LBR: variants seen among roughly 807,000 people sequenced by gnomAD.
LBR encodes the protein delta(14)-sterol reductase LBR.
Under a neutral mutation model 74.3 loss-of-function variants are expected in LBR, and 28 were observed. That is an observed-to-expected ratio of 0.38 (90% confidence interval 0.28 to 0.52). LBR has a LOEUF of 0.52. Ranked by LOEUF, LBR falls within the 20% of genes least tolerant of loss-of-function variation. The pLI is 0.89. For missense variants in LBR, 717 were observed against 760.3 expected, an observed-to-expected ratio of 0.94 and a Z score of 0.67; for synonymous variants, 228 against 269.3, an observed-to-expected ratio of 0.85 and a Z score of 1.50.
At chr1:225,412,375 G>A (rs2096107644) in intron 8 of LBR, 79 bp downstream of exon 8, 10 of 1,303,634 alleles carry the variant, frequency 7.7e-6, no homozygotes, top group Non-Finnish European at 1.1e-5. Context: ...TAGAAAAAAA[G>A]CAATCTATTC....
At chr1:225,422,423 C>A (rs970746783) in intron 2 of LBR, 146 bp from the exon 3 acceptor site, 6 of 693,804 alleles carry the variant, frequency 8.6e-6, no homozygotes, top group Non-Finnish European at 1.5e-5. Flanking sequence ...GAGAATGGAT[C>A]AGATGAAGCC....
rs567861118 is a variant in LBR, at chr1:225,404,814, C to T, written c.1484-108G>A. 21 of 850,418 alleles carry T rather than the reference C, an allele frequency of 2.5e-5. No homozygotes were observed. In the African/African-American group the frequency reaches 2.9e-4, roughly 12 times the overall value. 52.7% of individuals were successfully genotyped at this position (850,418 alleles called of 1,614,324 possible). ...GATTTCTATGCTCTGAGGAAATTTCCAAAGCAGACTCCTAGGCTCAAGAGA... is the reference window on the plus strand; with the variant it reads ...GATTTCTATGCTCTGAGGAAATTTCTAAAGCAGACTCCTAGGCTCAAGAGA... On this transcript the variant is annotated intron_variant, in intron 11 of 13. Transcript: ENST00000272163.
chr1:225,422,079 G>T lies in LBR; in HGVS notation c.364C>A (p.Leu122Met). ...EVEVKLTPLI[L>M]KPFGNSISRY... Reference sequence around the variant, plus strand: ...TGTATAAGGATAAACACAAGTACCAGAATCAGCGGAGTCAATTTAACTTCC... The same window carrying T: ...TGTATAAGGATAAACACAAGTACCATAATCAGCGGAGTCAATTTAACTTCC... Residue 122 changes from leucine to methionine, a missense_variant and splice_region_variant, in exon 3 of 14, where the codon CTG becomes ATG. Coordinates refer to ENST00000272163, the MANE Select transcript of LBR (RefSeq NM_002296.4). 5 of 1,613,852 alleles carry T rather than the reference G, an allele frequency of 3.1e-6. No individual in the cohort carries two copies. The highest frequency in any genetic ancestry group is 3.4e-6 in the Non-Finnish European group (4 of 1,179,910).
intron 3 of LBR, 46 bp downstream of exon 3, chr1:225,422,031 A>G (rs112194836): frequency 3.9e-6 from 6 of 1,545,388 alleles, no homozygotes; most frequent in African/African-American, 1.4e-5. Flanking sequence ...GTAAATATAT[A>G]CATAAAGCGG....
At chr1:225,422,298 A>T (rs1277675589) in intron 2 of LBR, 21 bp from the exon 3 acceptor site, 9 of 1,595,514 alleles carry the variant, frequency 5.6e-6, no homozygotes, top group Non-Finnish European at 6.9e-6. Context: ...GGAAGAAGGC[A>T]AAGAGCTTTA....
chr1:225,420,854 T>G (rs1301123645), intron 3 of LBR, among the ~76,000 whole-genome samples: 1 of 152,192 alleles, frequency 6.6e-6, no homozygotes, highest in African/African-American at 2.4e-5. Context: ...ATAAACTTTC[T>G]TGATGCAATC....
Position 225,418,196 on chromosome 1 carries a change from G to C in LBR, c.641-16C>G. 6.2e-7 allele frequency: 1 copy of C among 1,608,078 alleles called. No homozygotes were observed. Among genetic ancestry groups the C allele is most frequent in the Non-Finnish European group, 8.5e-7 (1 of 1,175,824 alleles). On this transcript the variant is annotated splice_polypyrimidine_tract_variant and intron_variant, in intron 5 of 13. Transcript: ENST00000272163. ...AGAAACACACCTGCAAACAATTCAT[G>C]AACATTCGAGGCTCAAATTTCAATC...
chr1:225,415,813 C>T (rs547035975), intron 6 of LBR, among the ~76,000 whole-genome samples: 12 of 152,234 alleles, frequency 7.9e-5, no homozygotes, highest in South Asian at 4.1e-4. Flanking sequence ...TATTTGATGA[C>T]GCATACTCAT....
chr1:225,403,270 G>T lies in LBR; in HGVS notation c.*33C>A. On this transcript the variant is annotated 3_prime_UTR_variant, in exon 14 of 14. Coordinates refer to ENST00000272163, the MANE Select transcript of LBR (RefSeq NM_002296.4). ...GTTTTTGCAAATGGCAGCTGGAATT[G>T]CAGGAGTATTTTGTAGAAAAGCCAG... 6.2e-7 allele frequency: 1 copy of T among 1,603,436 alleles called. No individual in the cohort carries two copies. Among genetic ancestry groups the T allele is most frequent in the Admixed American group, 1.7e-5 (1 of 59,988 alleles).
intron 5 of LBR, among the ~76,000 whole-genome samples, chr1:225,418,385 A>G (rs1312740899): frequency 6.6e-6 from 1 of 151,856 alleles, no homozygotes; most frequent in East Asian, 1.9e-4. Flanking sequence ...AAAAAAATAA[A>G]TAAATAAAAA....
rs775999883 is a variant in LBR at position 225,404,538 on chromosome 1, T to C, written c.1565-12A>G. ...AATGGTTTTTAAATCTATATAAAAA[T>C]AAAAGTACATTTTTAATGATGTCGA... is the stretch of plus-strand genomic sequence containing the variant. On this transcript the variant is annotated splice_polypyrimidine_tract_variant and intron_variant, in intron 12 of 13. Coordinates refer to ENST00000272163, the MANE Select transcript of LBR (RefSeq NM_002296.4). 19 of 1,588,672 alleles carry C rather than the reference T, an allele frequency of 1.2e-5. No individual in the cohort carries two copies. In the South Asian group the frequency reaches 2.0e-4, roughly 17 times the overall value.
rs2096126012 is a variant in LBR at position 225,420,647 on chromosome 1, A to T, written c.367-849T>A. Among the ~76,000 whole-genome samples the T allele has an allele frequency of 2.0e-5, 3 of 152,196 alleles. No individual in the cohort carries two copies. The South Asian group carries it at 6.2e-4, about 32-fold the overall frequency. On this transcript the variant is annotated intron_variant, in intron 3 of 13. Coordinates refer to ENST00000272163, the MANE Select transcript of LBR (RefSeq NM_002296.4). ...GTCACTAAATATTAAAAATGAAAGG[A>T]TAACAAAGTATCACACAGCATCTGT... is the stretch of plus-strand genomic sequence containing the variant.
rs573448057 is a variant in LBR, at chr1:225,402,513, C to G, written c.*790G>C. 6 of 152,626 alleles carry G rather than the reference C, an allele frequency of 3.9e-5. No homozygotes were observed. The South Asian group carries it at 1.2e-3, about 32-fold the overall frequency. 9.5% of individuals were successfully genotyped at this position (152,626 alleles called of 1,614,324 possible). A position where few individuals can be genotyped will look rare whatever the true frequency, so the allele number is the denominator to read the frequency against. On this transcript the variant is annotated 3_prime_UTR_variant, in exon 14 of 14. Coordinates refer to ENST00000272163, the MANE Select transcript of LBR (RefSeq NM_002296.4). Reference sequence around the variant, plus strand: ...CTATGTTTTAACAGCATCTTCTATACAATAGTGAATGAATTCTAATTGTTC... The same window carrying G: ...CTATGTTTTAACAGCATCTTCTATAGAATAGTGAATGAATTCTAATTGTTC...
At chr1:225,424,281 C>T (rs1404997524) in intron 1 of LBR, among the ~76,000 whole-genome samples, 192 bp from the exon 2 acceptor site, 3 of 152,002 alleles carry the variant, frequency 2.0e-5, no homozygotes, top group African/African-American at 7.2e-5. Flanking sequence ...ATCTATGTGA[C>T]ACTAAAGATT....
intron 13 of LBR, 96 bp from the exon 14 acceptor site, chr1:225,403,559 C>CAA (rs1311658887): frequency 1.1e-6 from 1 of 899,360 alleles, no homozygotes; most frequent in African/African-American, 1.7e-5. Flanking sequence ...AATGGAACCA[C>CAA]AAGGTACTTC....
At chr1:225,411,897 C>A (rs2096106576) in intron 8 of LBR, among the ~76,000 whole-genome samples, 1 of 152,220 alleles carries the variant, frequency 6.6e-6, no homozygotes, top group Non-Finnish European at 1.5e-5. Context: ...GCAACCTCCG[C>A]CTCCCACGCT....
intron 10 of LBR, among the ~76,000 whole-genome samples, chr1:225,408,177 C>G (rs1429749033): frequency 6.6e-6 from 1 of 152,160 alleles, no homozygotes; most frequent in African/African-American, 2.4e-5. Flanking sequence ...AAACCTCTCC[C>G]TATCCTTCCC....
chr1:225,408,659 A>G (rs1390286301), intron 10 of LBR, among the ~76,000 whole-genome samples: 1 of 152,258 alleles, frequency 6.6e-6, no homozygotes, highest in African/African-American at 2.4e-5. Context: ...TGCTGAAGAA[A>G]TCATAAAATA....
intron 8 of LBR, among the ~76,000 whole-genome samples, chr1:225,412,232 CA>C (rs1185404134): frequency 1.3e-5 from 2 of 151,396 alleles, no homozygotes; most frequent in African/African-American, 2.4e-5. Flanking sequence ...CAAGCAACTG[CA>C]AAAAAAAGAA....
Sources: allele counts gnomAD v4.1 joint callset (sites outside exome capture counted in the v4.1 genomes callset), GRCh38; gene constraint gnomAD v4.1.1; transcripts MANE v1.5; gene names NCBI Gene and HGNC (gene_info 2026-07-23, HGNC 2026-07-21).